REEP3: variants seen among roughly 807,000 people sequenced by gnomAD.
REEP3 encodes the protein receptor expression-enhancing protein 3.
A neutral mutation model predicts 41.3 loss-of-function variants in REEP3; 20 were observed. The observed-to-expected ratio is 0.48, with a 90% CI of 0.34 to 0.70. The LOEUF is 0.70. REEP3 is among the 30% of genes least tolerant of loss of function. The pLI is 0.01. For missense variants in REEP3, 271 were observed against 308.8 expected (o/e 0.88, Z 0.92); for synonymous variants, 104 against 101.8 (o/e 1.02, Z -0.13).
intron 2 of REEP3, among the ~76,000 whole-genome samples, chr10:63,594,177 G>A (rs955730434): frequency 1.4e-4 from 21 of 148,570 alleles, no homozygotes; most frequent in African/African-American, 5.0e-5. Context: ...CAAGGAGTCC[G>A]ATACCAGCAG....
At chr10:63,596,278 G>A (rs185775780) in intron 3 of REEP3, among the ~76,000 whole-genome samples, 1 of 152,048 alleles carries the variant, frequency 6.6e-6, no homozygotes, top group Non-Finnish European at 1.5e-5. Flanking sequence ...GTTTGGTTGT[G>A]GGGGGTCTCT....
intron 2 of REEP3, among the ~76,000 whole-genome samples, chr10:63,569,402 T>G (rs1325919008): frequency 6.6e-6 from 1 of 151,862 alleles, no homozygotes; most frequent in African/African-American, 2.4e-5. Context: ...AATAATTTGG[T>G]GTGCTGCTGT....
chr10:63,544,398 A>C (rs1432004838), intron 1 of REEP3, among the ~76,000 whole-genome samples: 1 of 152,260 alleles, frequency 6.6e-6, no homozygotes, highest in Non-Finnish European at 1.5e-5. Flanking sequence ...AAGAAAGGTC[A>C]GAATTAAGGC....
chr10:63,580,203 C>T (rs1192376878), intron 2 of REEP3, among the ~76,000 whole-genome samples: 1 of 151,984 alleles, frequency 6.6e-6, no homozygotes, highest in Non-Finnish European at 1.5e-5. Context: ...GTGGTGTGGT[C>T]AAACTCACCA....
intron 1 of REEP3, among the ~76,000 whole-genome samples, chr10:63,559,681 C>A (rs962890767): frequency 1.3e-5 from 2 of 152,150 alleles, no homozygotes; most frequent in African/African-American, 4.8e-5. Context: ...GTCTTTGCAT[C>A]TGTAAAATTG....
chr10:63,539,740 A>T (rs1411770867), intron 1 of REEP3, among the ~76,000 whole-genome samples: 1 of 152,224 alleles, frequency 6.6e-6, no homozygotes, highest in Non-Finnish European at 1.5e-5. Context: ...CTTACAAAGT[A>T]TTATACCATA....
chr10:63,596,191 G>T (rs529693425), intron 3 of REEP3, among the ~76,000 whole-genome samples: 9 of 152,198 alleles, frequency 5.9e-5, no homozygotes, highest in African/African-American at 2.2e-4. Context: ...TCTGTCTTCT[G>T]ATTTGAAATA....
rs777718882 is a variant in REEP3, at chr10:63,594,830, CAGT to C, written c.161_163del (p.Val54del). The C allele has an allele frequency of 5.0e-6, 8 of 1,611,882 alleles. No homozygotes were observed. Among genetic ancestry groups the C allele is most frequent in the Non-Finnish European group, 6.8e-6 (8 of 1,178,040 alleles). On this transcript the variant is annotated inframe_deletion, in exon 3 of 8. Coordinates refer to ENST00000373758, the MANE Select transcript of REEP3 (RefSeq NM_001001330.3). ...TTTGCTCTCTATACTGTGATTGAAA[CAGT>C]AGCCGATCAAACAGTTGCTTGGTAA...
chr10:63,578,437 T>C (rs972654524), intron 2 of REEP3, among the ~76,000 whole-genome samples: 2 of 152,180 alleles, frequency 1.3e-5, no homozygotes, highest in Non-Finnish European at 2.9e-5. Context: ...ATTATACCCT[T>C]AACATTGGTT....
chr10:63,525,025 A>T (rs1320380014), intron 1 of REEP3, among the ~76,000 whole-genome samples: 1 of 144,172 alleles, frequency 6.9e-6, no homozygotes, highest in African/African-American at 2.6e-5. Context: ...AAAAAAAAAA[A>T]GACTGTTGTA....
intron 5 of REEP3, among the ~76,000 whole-genome samples, chr10:63,601,709 A>G (rs1481553025): frequency 6.6e-6 from 1 of 152,190 alleles, no homozygotes; most frequent in East Asian, 1.9e-4. Flanking sequence ...ACCTGAGGTC[A>G]GGAGTTCAAG....
At chr10:63,541,545 T>C (rs1303820647) in intron 1 of REEP3, among the ~76,000 whole-genome samples, 1 of 152,180 alleles carries the variant, frequency 6.6e-6, no homozygotes, top group Non-Finnish European at 1.5e-5. Context: ...GCAGTGTATA[T>C]TAGCTACAGA....
intron 1 of REEP3, 25 bp downstream of exon 1, chr10:63,521,602 C>T: frequency 7.2e-7 from 1 of 1,395,476 alleles, no homozygotes; most frequent in Non-Finnish European, 9.4e-7. Context: ...CTGCGCCCTG[C>T]AGCCGGCGCG....
intron 1 of REEP3, among the ~76,000 whole-genome samples, chr10:63,539,960 G>A (rs1423428943): frequency 6.6e-6 from 1 of 152,148 alleles, no homozygotes; most frequent in African/African-American, 2.4e-5. Context: ...TCACAGAGCT[G>A]AGCTGCCAAA....
At chr10:63,552,326 G>A (rs893017664) in intron 1 of REEP3, among the ~76,000 whole-genome samples, 4 of 152,132 alleles carry the variant, frequency 2.6e-5, no homozygotes, top group Non-Finnish European at 5.9e-5. Flanking sequence ...CAGGAGAATG[G>A]CATGAATTCA....
At chr10:63,618,183 C>G (rs961094086) in intron 6 of REEP3, among the ~76,000 whole-genome samples, 2 of 149,692 alleles carry the variant, frequency 1.3e-5, no homozygotes, top group Non-Finnish European at 3.0e-5. Context: ...TCCTTATGCT[C>G]CTTATTTTTA....
intron 2 of REEP3, among the ~76,000 whole-genome samples, chr10:63,591,535 TATTG>T (rs1956064000): frequency 6.6e-6 from 1 of 152,202 alleles, no homozygotes; most frequent in Non-Finnish European, 1.5e-5. Context: ...AGAAATACCC[TATTG>T]ATTAGATAGT....
At chr10:63,581,545 A>G (rs900702391) in intron 2 of REEP3, among the ~76,000 whole-genome samples, 10 of 152,120 alleles carry the variant, frequency 6.6e-5, no homozygotes, top group Admixed American at 1.3e-4. Flanking sequence ...GTTTGAGACT[A>G]ACCTGGGCAA....
intron 1 of REEP3, among the ~76,000 whole-genome samples, chr10:63,530,200 T>C (rs1049949611): frequency 5.9e-5 from 9 of 152,220 alleles, no homozygotes; most frequent in African/African-American, 2.2e-4. Context: ...TAAATCCTTA[T>C]GGAAGTTTGA....
Sources: allele counts gnomAD v4.1 joint callset (sites outside exome capture counted in the v4.1 genomes callset), GRCh38; gene constraint gnomAD v4.1.1; transcripts MANE v1.5; gene names NCBI Gene and HGNC (gene_info 2026-07-23, HGNC 2026-07-21).